STAG1: variants seen among roughly 807,000 people sequenced by gnomAD.
The protein encoded by STAG1 is cohesin subunit SA-1.
STAG1 carries 26 observed loss-of-function variants against 170.9 expected under a neutral mutation model. That is an observed-to-expected ratio of 0.15 (90% CI 0.11 to 0.21). The LOEUF is 0.21. Ranked by LOEUF, STAG1 falls within the 10% of genes least tolerant of loss-of-function variation. The probability of loss-of-function intolerance (pLI) is 1.00; values close to 1 mark genes in which losing one functional copy is unlikely to be tolerated. For missense variants in STAG1, 964 were observed against 1,509.5 expected (o/e 0.64, Z 5.99); for synonymous variants, 514 against 497.7 (o/e 1.03, Z -0.44).
chr3:136,553,072 A>C (rs1252026566), intron 5 of STAG1, among the ~76,000 whole-genome samples: 1 of 152,202 alleles, frequency 6.6e-6, no homozygotes, highest in Non-Finnish European at 1.5e-5. Flanking sequence ...TTAGAAAAGA[A>C]ATAAACTTAC....
chr3:136,420,638 G>A (rs1175890932), intron 20 of STAG1, among the ~76,000 whole-genome samples: 1 of 152,188 alleles, frequency 6.6e-6, no homozygotes, highest in African/African-American at 2.4e-5. Flanking sequence ...CTGAAGTGCA[G>A]TGGCTATTCA....
intron 6 of STAG1, among the ~76,000 whole-genome samples, chr3:136,536,179 T>A (rs995589930): frequency 2.6e-5 from 4 of 152,164 alleles, no homozygotes; most frequent in Admixed American, 2.6e-4. Context: ...GAGTGATGTC[T>A]CAGATAATGT....
At chr3:136,540,822 C>CATAA (rs1553742979) in intron 6 of STAG1, among the ~76,000 whole-genome samples, 2 of 46,276 alleles carry the variant, frequency 4.3e-5, no homozygotes, top group East Asian at 1.6e-3. Flanking sequence ...ACTGTGTCTC[C>CATAA]AAAAAAAAAA....
At chr3:136,513,226 A>G (rs907825506) in intron 7 of STAG1, among the ~76,000 whole-genome samples, 1 of 151,944 alleles carries the variant, frequency 6.6e-6, no homozygotes, top group Non-Finnish European at 1.5e-5. Context: ...ATGGTGGCAC[A>G]TGCCTGTAAT....
At chr3:136,638,324 A>AG in intron 1 of STAG1, among the ~76,000 whole-genome samples, 1 of 151,866 alleles carries the variant, frequency 6.6e-6, no homozygotes, top group African/African-American at 2.4e-5. Flanking sequence ...TAGTAGAGAA[A>AG]GGGTTTCACC....
intron 4 of STAG1, among the ~76,000 whole-genome samples, chr3:136,578,489 C>G (rs112611862): frequency 1.2e-3 from 176 of 152,306 alleles, no homozygotes; most frequent in African/African-American, 2.5e-3. Flanking sequence ...CCAGACCTGT[C>G]TCAGTTCACA....
At chr3:136,419,478 T>C (rs1278426916) in intron 20 of STAG1, among the ~76,000 whole-genome samples, 1 of 152,100 alleles carries the variant, frequency 6.6e-6, no homozygotes, top group Non-Finnish European at 1.5e-5. Context: ...AGAGAGAGTC[T>C]TGCTCTGTTG....
chr3:136,351,678 A>C (rs894847688), intron 28 of STAG1, among the ~76,000 whole-genome samples: 3 of 152,196 alleles, frequency 2.0e-5, no homozygotes, highest in Non-Finnish European at 4.4e-5. Context: ...CAGGCTTAAA[A>C]ATAAAATAGT....
chr3:136,566,549 C>A (rs1318751373), intron 5 of STAG1, among the ~76,000 whole-genome samples: 1 of 152,166 alleles, frequency 6.6e-6, no homozygotes, highest in Admixed American at 6.6e-5. Context: ...ATTACGTGAA[C>A]TTCAAAGCAC....
At chr3:136,540,910 A>C (rs1317773688) in intron 6 of STAG1, among the ~76,000 whole-genome samples, 1 of 151,092 alleles carries the variant, frequency 6.6e-6, no homozygotes, top group Non-Finnish European at 1.5e-5. Flanking sequence ...ATCCTAAAAC[A>C]AAAGTAATGC....
chr3:136,452,792 T>C (rs115281445), intron 13 of STAG1, among the ~76,000 whole-genome samples: 205 of 152,168 alleles, frequency 1.3e-3, no homozygotes, highest in South Asian at 9.4e-3. Context: ...TTTAACTGAG[T>C]TCTATTTTCT....
chr3:136,579,175 T>G (rs1466563129), intron 4 of STAG1, among the ~76,000 whole-genome samples: 1 of 152,242 alleles, frequency 6.6e-6, no homozygotes, highest in African/African-American at 2.4e-5. Flanking sequence ...CCCCTGGAAC[T>G]TGATATGCAG....
chr3:136,648,383 G>C (rs1219847320), intron 1 of STAG1, among the ~76,000 whole-genome samples: 1 of 152,168 alleles, frequency 6.6e-6, no homozygotes, highest in Non-Finnish European at 1.5e-5. Context: ...ATGTTAGGTA[G>C]TAAAAAGGTT....
intron 14 of STAG1, among the ~76,000 whole-genome samples, chr3:136,450,744 ATTTAT>A (rs1302627309): frequency 1.3e-5 from 2 of 151,180 alleles, no homozygotes; most frequent in Admixed American, 6.6e-5. Flanking sequence ...TTGTTTGCTT[ATTTAT>A]TTTAATTTTT....
intron 5 of STAG1, among the ~76,000 whole-genome samples, chr3:136,565,021 G>GGCAGGCAGGCAGGCAGGCAGGCAGGCAC (rs1559881966): frequency 1.6e-4 from 15 of 95,736 alleles, no homozygotes; most frequent in African/African-American, 9.3e-4. Context: ...AAGGCAGGCA[G>GGCAGGCAGGCAGGCAGGCAGGCAGGCAC]GCAGGCAGGC....
At chr3:136,698,152 T>C (rs1942954020) in intron 1 of STAG1, among the ~76,000 whole-genome samples, 1 of 151,446 alleles carries the variant, frequency 6.6e-6, no homozygotes, top group Non-Finnish European at 1.5e-5. Flanking sequence ...GCAACAAAAA[T>C]AAAAATAAAT....
chr3:136,641,452 T>C (rs549669068), intron 1 of STAG1, among the ~76,000 whole-genome samples: 7 of 152,338 alleles, frequency 4.6e-5, no homozygotes, highest in East Asian at 1.9e-4. Flanking sequence ...ACACTGCTAA[T>C]AGTGAGACAT....
intron 1 of STAG1, among the ~76,000 whole-genome samples, chr3:136,669,587 A>G (rs1941917234): frequency 1.3e-5 from 2 of 152,018 alleles, no homozygotes; most frequent in South Asian, 4.2e-4. Flanking sequence ...TCCAACTCCT[A>G]GACTCAAGTG....
intron 5 of STAG1, among the ~76,000 whole-genome samples, chr3:136,561,842 C>CT (rs1463106788): frequency 1.4e-5 from 2 of 145,438 alleles, no homozygotes; most frequent in Non-Finnish European, 3.0e-5. Context: ...CATTTTTGTA[C>CT]TTTGACATAA....
Sources: allele counts gnomAD v4.1 joint callset (sites outside exome capture counted in the v4.1 genomes callset), GRCh38; gene constraint gnomAD v4.1.1; transcripts MANE v1.5; gene names NCBI Gene and HGNC (gene_info 2026-07-23, HGNC 2026-07-21).